Variants in PABPC4L observed in about 807,000 individuals in gnomAD.
The protein encoded by PABPC4L is poly(A) binding protein cytoplasmic 4 like.
For synonymous variants in PABPC4L, 169 were observed against 164.1 expected, an observed-to-expected ratio of 1.03 and a Z score of -0.23; for missense variants, 452 against 451.4, an observed-to-expected ratio of 1.00 and a Z score of -0.01.
chr4:134,005,553 T>C, the PABPC4L span, among the ~76,000 whole-genome samples: 1 of 151,834 alleles, frequency 6.6e-6, no homozygotes, highest in Non-Finnish European at 1.5e-5. Context: ...TAAATGATAA[T>C]GGCATAGTTA....
At chr4:134,088,781 A>G in the PABPC4L span, among the ~76,000 whole-genome samples, 2 of 152,198 alleles carry the variant, frequency 1.3e-5, no homozygotes, top group East Asian at 3.9e-4. Context: ...TTTATAAATT[A>G]CCTCATTTCA....
the PABPC4L span, among the ~76,000 whole-genome samples, chr4:134,149,321 G>T: frequency 6.6e-6 from 1 of 152,160 alleles, no homozygotes; most frequent in African/African-American, 2.4e-5. Context: ...CTGTAAAAAA[G>T]ATGGGAGAAC....
At chr4:133,974,441 T>C in the PABPC4L span, among the ~76,000 whole-genome samples, 2 of 152,020 alleles carry the variant, frequency 1.3e-5, no homozygotes, top group Non-Finnish European at 2.9e-5. Flanking sequence ...CGTTAAATAT[T>C]CTTGACTTGG....
chr4:134,122,337 C>G, the PABPC4L span, among the ~76,000 whole-genome samples: 1 of 151,860 alleles, frequency 6.6e-6, no homozygotes, highest in Non-Finnish European at 1.5e-5. Context: ...AATATTTTCT[C>G]ATAAGCATTT....
chr4:134,077,084 CT>C, the PABPC4L span, among the ~76,000 whole-genome samples: 1 of 152,084 alleles, frequency 6.6e-6, no homozygotes, highest in Non-Finnish European at 1.5e-5. Context: ...ACATATTATT[CT>C]TTTCTACATC....
At chr4:134,157,323 A>T in the PABPC4L span, among the ~76,000 whole-genome samples, 566 of 151,456 alleles carry the variant, frequency 3.7e-3, 3 homozygotes, top group African/African-American at 0.013. Flanking sequence ...AATTTTTATG[A>T]ATAACTTTGC....
At chr4:134,034,207 A>G in the PABPC4L span, among the ~76,000 whole-genome samples, 1 of 151,982 alleles carries the variant, frequency 6.6e-6, no homozygotes, top group Non-Finnish European at 1.5e-5. Flanking sequence ...GGATAGCAAC[A>G]TACCTGTTTT....
the PABPC4L span, among the ~76,000 whole-genome samples, chr4:134,118,725 A>G: frequency 0.23 from 34,276 of 151,562 alleles, 4,391 homozygotes; most frequent in Admixed American, 0.27. Flanking sequence ...TTACTTGCTT[A>G]AATTCTACCT....
At chr4:134,047,133 C>G in the PABPC4L span, among the ~76,000 whole-genome samples, 3 of 152,192 alleles carry the variant, frequency 2.0e-5, no homozygotes, top group African/African-American at 7.2e-5. Context: ...CATGCATCCT[C>G]TTGAGGGAGA....
the PABPC4L span, among the ~76,000 whole-genome samples, chr4:134,148,705 C>T: frequency 6.6e-6 from 1 of 152,074 alleles, no homozygotes; most frequent in Non-Finnish European, 1.5e-5. Flanking sequence ...TCCTTCTACC[C>T]TCATTGCACA....
chr4:134,191,438 T>C (rs544330626), downstream of PABPC4L, among the ~76,000 whole-genome samples: 1 of 152,228 alleles, frequency 6.6e-6, no homozygotes, highest in South Asian at 2.1e-4. Flanking sequence ...TGCCACATGT[T>C]AGCTATAAAG....
the PABPC4L span, among the ~76,000 whole-genome samples, chr4:133,966,047 A>G: frequency 6.6e-6 from 1 of 152,182 alleles, no homozygotes; most frequent in African/African-American, 2.4e-5. Context: ...ACAGAATGGG[A>G]GACAATTTTA....
chr4:134,070,148 G>T, the PABPC4L span, among the ~76,000 whole-genome samples: 1 of 151,994 alleles, frequency 6.6e-6, no homozygotes, highest in African/African-American at 2.4e-5. Flanking sequence ...TTGGTCCCCA[G>T]CTTTGTTTTC....
chr4:134,001,651 C>A, the PABPC4L span, among the ~76,000 whole-genome samples: 1 of 152,014 alleles, frequency 6.6e-6, no homozygotes, highest in Admixed American at 6.6e-5. Flanking sequence ...GAAATAGAAT[C>A]TCCAGGGACA....
At chr4:134,154,045 T>C in the PABPC4L span, among the ~76,000 whole-genome samples, 1 of 151,918 alleles carries the variant, frequency 6.6e-6, no homozygotes, top group African/African-American at 2.4e-5. Flanking sequence ...AGGAGCTAAA[T>C]TGGGATCAAG....
At chr4:134,140,748 G>A in the PABPC4L span, among the ~76,000 whole-genome samples, 14 of 151,766 alleles carry the variant, frequency 9.2e-5, no homozygotes, top group Admixed American at 8.6e-4. Context: ...GTAAAGATAT[G>A]TAGGAGTTTT....
the PABPC4L span, among the ~76,000 whole-genome samples, chr4:134,073,430 G>A: frequency 6.6e-6 from 1 of 152,162 alleles, no homozygotes; most frequent in Non-Finnish European, 1.5e-5. Context: ...TGCCTCTGTG[G>A]CTCTGCAGGG....
the PABPC4L span, among the ~76,000 whole-genome samples, chr4:133,948,937 G>C: frequency 1.3e-5 from 2 of 152,156 alleles, no homozygotes; most frequent in African/African-American, 2.4e-5. Context: ...AGGAGTTATA[G>C]TAACCCTGGG....
chr4:133,977,528 T>A, the PABPC4L span, among the ~76,000 whole-genome samples: 1 of 152,128 alleles, frequency 6.6e-6, no homozygotes, highest in Non-Finnish European at 1.5e-5. Context: ...TTTTGATATT[T>A]CTTCCATCCA....
Sources: allele counts gnomAD v4.1 joint callset (sites outside exome capture counted in the v4.1 genomes callset), GRCh38; gene constraint gnomAD v4.1.1; transcripts MANE v1.5; gene names NCBI Gene and HGNC (gene_info 2026-07-23, HGNC 2026-07-21).